Variants in PAK1 observed in about 807,000 individuals in gnomAD.
The protein encoded by PAK1 is p21 (RAC1) activated kinase 1, also known as serine/threonine-protein kinase PAK 1.
Under a neutral mutation model 67.4 loss-of-function variants are expected in PAK1, and 29 were observed. The ratio of observed to expected loss-of-function variants is 0.43; its 90% CI spans 0.32 to 0.59. The LOEUF (loss-of-function observed/expected upper bound fraction) is 0.59. Among genes scored for constraint, PAK1 ranks in the 20% least tolerant of loss-of-function variants. The probability of loss-of-function intolerance (pLI) is 0.07; values close to 1 mark genes in which losing one functional copy is unlikely to be tolerated. For missense variants in PAK1, 337 were observed against 670.7 expected (o/e 0.50, Z 5.50); for synonymous variants, 223 against 237.4 (o/e 0.94, Z 0.56).
At chr11:77,356,071 G>C (rs1387111466) in intron 6 of PAK1, 3 of 416,920 alleles carry the variant, frequency 7.2e-6, no homozygotes, top group Non-Finnish European at 1.3e-5. Context: ...CAGCACTAAA[G>C]ATATTCAATA....
intron 1 of PAK1, among the ~76,000 whole-genome samples, chr11:77,402,600 C>T (rs1952857843): frequency 6.6e-6 from 1 of 152,128 alleles, no homozygotes; most frequent in African/African-American, 2.4e-5. Context: ...AGTTGAGGCC[C>T]TTACAATCGG....
chr11:77,395,136 TAATTC>T (rs1403156209), intron 1 of PAK1, among the ~76,000 whole-genome samples: 1 of 152,232 alleles, frequency 6.6e-6, no homozygotes, highest in Non-Finnish European at 1.5e-5. Flanking sequence ...CTTCAAGGCT[TAATTC>T]AATTGTTATT....
chr11:77,472,212 T>C (rs1481160417), intron 1 of PAK1, among the ~76,000 whole-genome samples: 5 of 152,182 alleles, frequency 3.3e-5, no homozygotes, highest in Non-Finnish European at 7.4e-5. Flanking sequence ...CATGAGCTCA[T>C]GTAGTTAAAG....
intron 1 of PAK1, among the ~76,000 whole-genome samples, chr11:77,404,493 C>G (rs1313182540): frequency 1.3e-5 from 2 of 152,116 alleles, no homozygotes; most frequent in Admixed American, 6.5e-5. Flanking sequence ...TCTCGAACTC[C>G]TGACCTCAGG....
At chr11:77,354,003 A>G (rs1371763487) in intron 7 of PAK1, among the ~76,000 whole-genome samples, 2 of 152,170 alleles carry the variant, frequency 1.3e-5, no homozygotes, top group Non-Finnish European at 2.9e-5. Context: ...TGAAAATATA[A>G]TAATTGCTGT....
At chr11:77,448,319 T>C (rs1438712176) in intron 1 of PAK1, among the ~76,000 whole-genome samples, 1 of 152,248 alleles carries the variant, frequency 6.6e-6, no homozygotes. Context: ...TCCTCTTTTA[T>C]TGACCACCTG....
Position 77,349,418 on chromosome 11 carries a change from C to A in PAK1, c.837-131G>T, listed in dbSNP as rs902187596. 12 of 717,752 alleles carry A rather than the reference C, an allele frequency of 1.7e-5. No individual in the cohort carries two copies. In the African/African-American group the frequency reaches 1.9e-4, roughly 11 times the overall value. The allele number at this position is 717,752 out of a possible 1,614,324, so 44.5% of individuals were successfully genotyped here. ...AGCAGTAAAAATAATCCTCTCCCTG[C>A]AGCATCCATTCTCACATTTAAGAAG... On this transcript the variant is annotated intron_variant, in intron 8 of 14. Transcript: ENST00000356341.
At position 77,433,220 on chromosome 11, in the gene PAK1, G is replaced by GT. The variant is rs1238297122; in HGVS notation, c.-22+40331dup. 2.6e-5 allele frequency among the ~76,000 whole-genome samples: 4 copies of GT among 152,294 alleles called. No individual in the cohort carries two copies. In the East Asian group the frequency reaches 7.7e-4, roughly 29 times the overall value. On this transcript the variant is annotated intron_variant, in intron 1 of 14. Transcript: ENST00000356341. The stretch of plus-strand genomic sequence containing the variant: ...CTCAAAATGGATCACAGCTTTAACT[G>GT]TAAGAGCTAAAAGTATAAAACTCTC...
chr11:77,422,146 C>G lies in PAK1; in HGVS notation c.-21-29605G>C, dbSNP rs551378164. On this transcript the variant is annotated intron_variant, in intron 1 of 14. Transcript: ENST00000356341. ...TCTAGACTGGAAAGGTAGTATATAT[C>G]TCCTCATTTGCTACTATATCTCCAG... Among the ~76,000 whole-genome samples the G allele has an allele frequency of 5.9e-5, 9 of 152,282 alleles. 1 individual carries two copies. In the South Asian group the frequency reaches 1.9e-3, roughly 32 times the overall value.
intron 12 of PAK1, among the ~76,000 whole-genome samples, 185 bp from the exon 13 acceptor site, chr11:77,336,467 C>T (rs989771916): frequency 2.0e-5 from 3 of 152,124 alleles, no homozygotes; most frequent in Non-Finnish European, 4.4e-5. Context: ...TCCTATTGAA[C>T]CCTGAAGAGA....
chr11:77,463,890 A>T (rs1443990836), intron 1 of PAK1, among the ~76,000 whole-genome samples: 1 of 152,220 alleles, frequency 6.6e-6, no homozygotes, highest in Non-Finnish European at 1.5e-5. Flanking sequence ...TCCAACTGAA[A>T]GATACGGTTA....
chr11:77,462,989 T>TGG (rs1957429277), intron 1 of PAK1, among the ~76,000 whole-genome samples: 3 of 24,822 alleles, frequency 1.2e-4, no homozygotes, highest in East Asian at 1.3e-3. Context: ...AAAAGGTGGG[T>TGG]GGGGGTGGGG....
intron 14 of PAK1, chr11:77,325,436 A>C: frequency 6.5e-7 from 1 of 1,545,346 alleles, no homozygotes; most frequent in Non-Finnish European, 8.8e-7. Context: ...CAATATATAA[A>C]GTGCTTAGTG....
rs1040176297 is a variant in PAK1, at chr11:77,429,080, A to C, written c.-21-36539T>G. On this transcript the variant is annotated intron_variant, in intron 1 of 14. Coordinates refer to ENST00000356341, the MANE Select transcript of PAK1 (RefSeq NM_002576.5). ...CTAAAAAAAAAAAAAAAAAAAAAAA[A>C]AAAAAAAAAAAAAACACACACACAC... Among the ~76,000 whole-genome samples the C allele has an allele frequency of 2.1e-4, 26 of 121,850 alleles. 1 individual carries two copies. Among genetic ancestry groups the C allele is most frequent in the South Asian group, 7.9e-4 (3 of 3,806 alleles). 79.9% of individuals were successfully genotyped at this position (121,850 alleles called of 152,430 possible).
the PAK1 span, among the ~76,000 whole-genome samples, chr11:77,498,001 G>A: frequency 3.3e-5 from 5 of 152,056 alleles, no homozygotes; most frequent in Non-Finnish European, 5.9e-5. Flanking sequence ...CTTAACCTTA[G>A]TCTGTGCAAG....
chr11:77,334,614 C>G (rs1942340765), intron 13 of PAK1, among the ~76,000 whole-genome samples: 1 of 152,176 alleles, frequency 6.6e-6, no homozygotes, highest in African/African-American at 2.4e-5. Flanking sequence ...AATCTAATGT[C>G]CTTTACTTCA....
chr11:77,522,719 G>A, the PAK1 span, among the ~76,000 whole-genome samples: 1 of 152,036 alleles, frequency 6.6e-6, no homozygotes, highest in Admixed American at 6.6e-5. Flanking sequence ...CCTATCACTG[G>A]ACATATATCC....
At chr11:77,329,785 G>A (rs1429892469) in intron 14 of PAK1, among the ~76,000 whole-genome samples, 7 of 152,138 alleles carry the variant, frequency 4.6e-5, no homozygotes, top group African/African-American at 1.7e-4. Flanking sequence ...TCTGGCCAGG[G>A]CAATCAGGCA....
intron 1 of PAK1, among the ~76,000 whole-genome samples, chr11:77,426,429 TAAC>T (rs1299256945): frequency 6.6e-6 from 1 of 152,168 alleles, no homozygotes; most frequent in Non-Finnish European, 1.5e-5. Flanking sequence ...TTTAACCTAA[TAAC>T]AGCCCTTTAA....
Sources: gnomAD v4.1 joint callset for allele counts (sites outside exome capture counted in the v4.1 genomes callset) on GRCh38, gnomAD v4.1.1 for gene constraint, MANE v1.5 for transcripts, NCBI Gene and HGNC (gene_info 2026-07-23, HGNC 2026-07-21) for gene names.